Variants in ATOSA observed in about 807,000 individuals in gnomAD.
The protein encoded by ATOSA is atos homolog A.
the ATOSA span, among the ~76,000 whole-genome samples, chr15:52,697,305 A>G: frequency 6.6e-6 from 1 of 152,230 alleles, no homozygotes; most frequent in African/African-American, 2.4e-5. Context: ...TTCTCAGGCC[A>G]AATGAGTTTC....
At chr15:52,587,103 T>A in the ATOSA span, 1 of 1,610,930 alleles carries the variant, frequency 6.2e-7, no homozygotes, top group Non-Finnish European at 8.5e-7. Context: ...AAGTTCTATA[T>A]GTATGTGAGA....
chr15:52,602,225 ATG>A, the ATOSA span, among the ~76,000 whole-genome samples: 1 of 152,142 alleles, frequency 6.6e-6, no homozygotes, highest in African/African-American at 2.4e-5. Flanking sequence ...ATGTGTATGC[ATG>A]TGTGTGTATA....
the ATOSA span, among the ~76,000 whole-genome samples, chr15:52,624,529 C>T: frequency 1.6e-3 from 245 of 152,254 alleles, no homozygotes; most frequent in African/African-American, 5.7e-3. Context: ...CAAACTTCTC[C>T]AAAACTTAGG....
At chr15:52,624,783 T>TA in the ATOSA span, among the ~76,000 whole-genome samples, 7 of 151,196 alleles carry the variant, frequency 4.6e-5, no homozygotes, top group Non-Finnish European at 8.9e-5. Context: ...CCTGCTTATT[T>TA]TTTTTTTTTT....
the ATOSA span, chr15:52,610,126 C>G: frequency 6.2e-7 from 1 of 1,614,014 alleles, no homozygotes; most frequent in East Asian, 2.2e-5. Flanking sequence ...ACGCTGTGAA[C>G]TGTTTGTACC....
the ATOSA span, among the ~76,000 whole-genome samples, chr15:52,682,809 T>C: frequency 6.6e-6 from 1 of 152,254 alleles, no homozygotes; most frequent in Non-Finnish European, 1.5e-5. Flanking sequence ...AAGCTATCTT[T>C]TCCATATCTA....
chr15:52,584,613 A>G, the ATOSA span: 2 of 720,452 alleles, frequency 2.8e-6, no homozygotes, highest in Non-Finnish European at 4.5e-6. Flanking sequence ...ATCTTGGCAC[A>G]TCATCAAGAG....
the ATOSA span, among the ~76,000 whole-genome samples, chr15:52,706,858 G>A: frequency 3.9e-5 from 6 of 152,156 alleles, no homozygotes; most frequent in East Asian, 1.2e-3. Flanking sequence ...CAAATCTGTA[G>A]AGAGAGAAAG....
chr15:52,686,406 C>CT, the ATOSA span, among the ~76,000 whole-genome samples: 1 of 152,182 alleles, frequency 6.6e-6, no homozygotes, highest in Non-Finnish European at 1.5e-5. Context: ...GAACAGAGTT[C>CT]TACCCTTCAA....
At chr15:52,650,393 T>C in the ATOSA span, among the ~76,000 whole-genome samples, 1 of 152,218 alleles carries the variant, frequency 6.6e-6, no homozygotes, top group African/African-American at 2.4e-5. Flanking sequence ...ATCTAAGAAA[T>C]GCCAGTCTTT....
chr15:52,660,267 C>T, the ATOSA span, among the ~76,000 whole-genome samples: 2 of 152,168 alleles, frequency 1.3e-5, no homozygotes, highest in Non-Finnish European at 2.9e-5. Flanking sequence ...CATCACCACC[C>T]TTGAAGAACA....
chr15:52,703,974 G>GA, the ATOSA span, among the ~76,000 whole-genome samples: 122 of 151,826 alleles, frequency 8.0e-4, no homozygotes, highest in African/African-American at 2.8e-3. Flanking sequence ...ACTATTAAGA[G>GA]AAAAAAGGCA....
At chr15:52,704,849 A>C in the ATOSA span, among the ~76,000 whole-genome samples, 2 of 152,164 alleles carry the variant, frequency 1.3e-5, no homozygotes, top group Non-Finnish European at 2.9e-5. Flanking sequence ...AAAAGTCAGG[A>C]AACAACAGAC....
chr15:52,656,995 T>C, the ATOSA span: 3 of 152,144 alleles, frequency 2.0e-5, no homozygotes, highest in Non-Finnish European at 4.4e-5. Flanking sequence ...TATAATAAAA[T>C]AACATTTTAT....
At chr15:52,600,883 T>G in the ATOSA span, among the ~76,000 whole-genome samples, 1 of 151,958 alleles carries the variant, frequency 6.6e-6, no homozygotes. Context: ...AAGAGTTTAT[T>G]ATGATGACCA....
At chr15:52,648,301 C>A in the ATOSA span, among the ~76,000 whole-genome samples, 2 of 152,064 alleles carry the variant, frequency 1.3e-5, no homozygotes, top group Admixed American at 6.6e-5. Flanking sequence ...ATAAATTATA[C>A]AGGCAATCCA....
At chr15:52,704,007 T>C in the ATOSA span, among the ~76,000 whole-genome samples, 1 of 152,084 alleles carries the variant, frequency 6.6e-6, no homozygotes, top group Admixed American at 6.6e-5. Flanking sequence ...ATATCTATAG[T>C]ATATACTACC....
chr15:52,644,117 T>A, the ATOSA span, among the ~76,000 whole-genome samples: 3 of 151,604 alleles, frequency 2.0e-5, no homozygotes, highest in Non-Finnish European at 4.4e-5. Context: ...GGAAAGATGG[T>A]CTTTCTATGT....
the ATOSA span, among the ~76,000 whole-genome samples, chr15:52,638,660 C>A: frequency 6.8e-6 from 1 of 147,600 alleles, no homozygotes. Context: ...AAGATCGCAC[C>A]ACTGCACTCC....
Sources: gnomAD v4.1 joint callset for allele counts (sites outside exome capture counted in the v4.1 genomes callset) on GRCh38, gnomAD v4.1.1 for gene constraint, MANE v1.5 for transcripts, NCBI Gene and HGNC (gene_info 2026-07-23, HGNC 2026-07-21) for gene names.